Variants in STK33 observed in about 807,000 individuals in gnomAD.
STK33 encodes serine/threonine-protein kinase 33.
In STK33, 52 loss-of-function variants were observed where a neutral mutation model predicts 58.0. That is an observed-to-expected ratio of 0.90 (90% CI 0.72 to 1.13). The LOEUF is 1.13. Among genes scored for constraint, STK33 ranks in the 50% most tolerant of loss-of-function variants. The pLI is 0.00. For missense variants in STK33, 630 were observed against 604.2 expected (o/e 1.04, Z -0.45); for synonymous variants, 215 against 200.1 (o/e 1.07, Z -0.63).
intron 4 of STK33, chr11:8,475,953 A>G (rs1949229255): frequency 6.6e-6 from 1 of 152,236 alleles, no homozygotes; most frequent in Non-Finnish European, 1.5e-5. Flanking sequence ...TGACTAGAAT[A>G]GGAAATTAAA....
At chr11:8,543,999 C>T (rs935214286) in intron 1 of STK33, among the ~76,000 whole-genome samples, 1 of 151,994 alleles carries the variant, frequency 6.6e-6, no homozygotes, top group Admixed American at 6.6e-5. Flanking sequence ...CAAAATAATA[C>T]TAAATGATTT....
chr11:8,571,374 T>C (rs770290112), intron 1 of STK33, among the ~76,000 whole-genome samples: 21 of 152,100 alleles, frequency 1.4e-4, no homozygotes, highest in Non-Finnish European at 1.8e-4. Flanking sequence ...TTCATAGAGA[T>C]GGAAAGTAAA....
chr11:8,338,529 C>T, the STK33 span, among the ~76,000 whole-genome samples: 1 of 152,178 alleles, frequency 6.6e-6, no homozygotes, highest in African/African-American at 2.4e-5. Flanking sequence ...CAGCTGCCTC[C>T]CACAAGCCAC....
At chr11:8,536,029 A>C (rs1296129400) in intron 1 of STK33, among the ~76,000 whole-genome samples, 2 of 152,334 alleles carry the variant, frequency 1.3e-5, no homozygotes, top group African/African-American at 4.8e-5. Flanking sequence ...GTTCTCACTT[A>C]CATGTGGGGG....
At chr11:8,359,888 AAGG>A in the STK33 span, among the ~76,000 whole-genome samples, 1 of 137,708 alleles carries the variant, frequency 7.3e-6, no homozygotes, top group Admixed American at 7.3e-5. Context: ...TCTTAGAAGA[AAGG>A]AGACTTCCTG....
chr11:8,548,889 G>A (rs1956123262), intron 1 of STK33, among the ~76,000 whole-genome samples: 1 of 151,992 alleles, frequency 6.6e-6, no homozygotes, highest in Non-Finnish European at 1.5e-5. Flanking sequence ...TGTAGCTATT[G>A]TAAATGGGAT....
At chr11:8,512,252 T>G (rs1952390288) in intron 1 of STK33, among the ~76,000 whole-genome samples, 1 of 152,194 alleles carries the variant, frequency 6.6e-6, no homozygotes, top group Admixed American at 6.6e-5. Context: ...TACAATTTCT[T>G]TTTTTCATAG....
At chr11:8,533,171 G>A (rs1192704196) in intron 1 of STK33, among the ~76,000 whole-genome samples, 1 of 152,160 alleles carries the variant, frequency 6.6e-6, no homozygotes, top group Non-Finnish European at 1.5e-5. Flanking sequence ...GGTAATTTTT[G>A]CACATTAACA....
chr11:8,517,323 C>G (rs375045053), intron 1 of STK33, among the ~76,000 whole-genome samples: 8 of 152,276 alleles, frequency 5.3e-5, no homozygotes, highest in African/African-American at 1.2e-4. Flanking sequence ...CACCAAAACT[C>G]CATCTGTACG....
chr11:8,450,818 T>C (rs1946183479), intron 11 of STK33, among the ~76,000 whole-genome samples: 1 of 152,214 alleles, frequency 6.6e-6, no homozygotes, highest in African/African-American at 2.4e-5. Flanking sequence ...TTCAACATTC[T>C]AAAATTGATT....
chr11:8,502,110 G>T (rs1951559137), intron 1 of STK33, among the ~76,000 whole-genome samples: 1 of 152,184 alleles, frequency 6.6e-6, no homozygotes, highest in Non-Finnish European at 1.5e-5. Flanking sequence ...GTACAACCAT[G>T]AAAATATATG....
At chr11:8,388,335 C>A (rs1470660973), downstream of STK33, among the ~76,000 whole-genome samples, 1 of 152,250 alleles carries the variant, frequency 6.6e-6, no homozygotes, top group Non-Finnish European at 1.5e-5. Context: ...CTGATTATAG[C>A]AGGGACTGAA....
chr11:8,433,032 A>G (rs1437344699), intron 14 of STK33, among the ~76,000 whole-genome samples: 1 of 152,236 alleles, frequency 6.6e-6, no homozygotes, highest in Non-Finnish European at 1.5e-5. Context: ...TGTGATGCTG[A>G]AAAGAGATAA....
chr11:8,424,695 A>G (rs1490164721), intron 14 of STK33, among the ~76,000 whole-genome samples: 2 of 146,802 alleles, frequency 1.4e-5, no homozygotes, highest in African/African-American at 5.2e-5. Flanking sequence ...CTGGTGTGAG[A>G]TGGTATCTCA....
intron 3 of STK33, 39 bp downstream of exon 3, chr11:8,477,211 C>T (rs1193779298): frequency 6.6e-6 from 1 of 151,206 alleles, no homozygotes; most frequent in Non-Finnish European, 1.5e-5. Context: ...CCTGGTTTTT[C>T]AAGAATATGT....
At chr11:8,518,428 C>T (rs1953031260) in intron 1 of STK33, among the ~76,000 whole-genome samples, 1 of 152,204 alleles carries the variant, frequency 6.6e-6, no homozygotes, top group African/African-American at 2.4e-5. Context: ...GAAGAAACTG[C>T]ATCAACTAAC....
At chr11:8,362,870 TCCTC>T in the STK33 span, among the ~76,000 whole-genome samples, 8 of 150,548 alleles carry the variant, frequency 5.3e-5, no homozygotes, top group South Asian at 2.1e-4. Context: ...CTCCCTCTCT[TCCTC>T]CCTCCCTCCC....
the STK33 span, among the ~76,000 whole-genome samples, chr11:8,362,922 C>CTCCTTTCCTCCCTCCT: frequency 0.011 from 1,455 of 128,712 alleles, 26 homozygotes; most frequent in African/African-American, 0.038. Flanking sequence ...TCCTTCCTCC[C>CTCCTTTCCTCCCTCCT]TCCTTTCCTT....
intron 15 of STK33, among the ~76,000 whole-genome samples, chr11:8,400,837 G>C (rs1937748326): frequency 6.6e-6 from 1 of 152,144 alleles, no homozygotes; most frequent in Non-Finnish European, 1.5e-5. Context: ...CAGACAAACA[G>C]AGAGCCAAAT....
Sources: gnomAD v4.1 joint callset for allele counts (sites outside exome capture counted in the v4.1 genomes callset) on GRCh38, gnomAD v4.1.1 for gene constraint, MANE v1.5 for transcripts, NCBI Gene and HGNC (gene_info 2026-07-23, HGNC 2026-07-21) for gene names.